DGKI: variants seen among roughly 807,000 people sequenced by gnomAD.
DGKI encodes the protein diacylglycerol kinase iota.
A neutral mutation model predicts 147.5 loss-of-function variants in DGKI; 55 were observed. The observed-to-expected ratio is 0.37, with a 90% confidence interval of 0.30 to 0.47. The LOEUF is 0.47. Among genes scored for constraint, DGKI ranks in the 20% least tolerant of loss-of-function variants. The pLI is 1.00. For synonymous variants in DGKI, 469 were observed against 477.1 expected (o/e 0.98, Z 0.22); for missense variants, 1,007 against 1,323.8 (o/e 0.76, Z 3.71).
rs57447468 is a variant in DGKI at position 137,744,399 on chromosome 7, A to T, written c.402-54397T>A. 8.8e-3 allele frequency among the ~76,000 whole-genome samples: 1,346 copies of T among 152,286 alleles called. 18 individuals are homozygous for T. Among genetic ancestry groups the T allele is most frequent in the African/African-American group, 0.031 (1,271 of 41,554 alleles). ...AAGAAACTGAATCAGTAATTAAAAA[A>T]ATATAGACATATACCATCCAAAAAA... On this transcript the variant is annotated intron_variant, in intron 1 of 32. Transcript: ENST00000614521.
At chr7:137,767,470 G>GGGAAGAGAAGA (rs1554474392) in intron 1 of DGKI, among the ~76,000 whole-genome samples, 1 of 141,114 alleles carries the variant, frequency 7.1e-6, no homozygotes. Context: ...GAGAAGAGAA[G>GGGAAGAGAAGA]GGAAGAGAAG....
At chr7:137,667,855 C>T (rs1200111200) in intron 3 of DGKI, among the ~76,000 whole-genome samples, 1 of 152,176 alleles carries the variant, frequency 6.6e-6, no homozygotes, top group Non-Finnish European at 1.5e-5. Flanking sequence ...CTGACACATA[C>T]ACACCCGCCC....
chr7:137,817,638 C>T (rs1797777664), intron 1 of DGKI, among the ~76,000 whole-genome samples: 1 of 152,174 alleles, frequency 6.6e-6, no homozygotes. Context: ...ATTAATAAAG[C>T]CCTTGCAGAC....
At chr7:137,722,889 TAAA>T (rs59407060) in intron 1 of DGKI, 35 of 596,668 alleles carry the variant, frequency 5.9e-5, no homozygotes, top group Admixed American at 2.5e-4. Flanking sequence ...TTGACTACGT[TAAA>T]AAAAAAAAAA....
chr7:137,460,103 C>A (rs1213557809), intron 27 of DGKI, among the ~76,000 whole-genome samples: 5 of 152,096 alleles, frequency 3.3e-5, no homozygotes, highest in Non-Finnish European at 7.4e-5. Flanking sequence ...CTAAATTGAA[C>A]CTTTCCTATC....
chr7:137,775,028 GTT>G (rs994622594), intron 1 of DGKI: 1 of 148,500 alleles, frequency 6.7e-6, no homozygotes, highest in African/African-American at 2.5e-5. Context: ...TCCTCACACG[GTT>G]TTTTTTTTCT....
rs562694572 is a variant in DGKI, at chr7:137,617,057, A to T, written c.993+2767T>A. On this transcript the variant is annotated intron_variant, in intron 8 of 32. Coordinates refer to ENST00000614521, the MANE Select transcript of DGKI (RefSeq NM_001321708.2). ...GAACCCACTGATTGATCTTAGCATCACTGAGAGTGAAATGGCTGATATCCT... is the reference window on the plus strand; with the variant it reads ...GAACCCACTGATTGATCTTAGCATCTCTGAGAGTGAAATGGCTGATATCCT... Among the ~76,000 whole-genome samples the T allele has an allele frequency of 3.4e-4, 50 of 147,792 alleles. 1 individual carries two copies. The South Asian group carries it at 0.01, about 31-fold the overall frequency.
chr7:137,459,512 T>C (rs1814340479), intron 27 of DGKI, among the ~76,000 whole-genome samples: 1 of 147,588 alleles, frequency 6.8e-6, no homozygotes, highest in Non-Finnish European at 1.5e-5. Flanking sequence ...AGTCTCGCTG[T>C]TGCCCAGGCT....
At position 137,469,414 on chromosome 7, in the gene DGKI, C is replaced by A. The variant is rs1268012055; in HGVS notation, c.2443+136G>T. The A allele has an allele frequency of 1.4e-5, 11 of 788,664 alleles. No homozygotes were observed. In the Admixed American group the frequency reaches 2.5e-4, roughly 18 times the overall value. The allele number at this position is 788,664 out of a possible 1,614,324, so 48.9% of individuals were successfully genotyped here. A position where few individuals can be genotyped will look rare whatever the true frequency, so the allele number is the denominator to read the frequency against. ...CAGCAGGCCCACATTGTTCCGCATG[C>A]CAATACCAGCCATGTGGAGTCACAT... On this transcript the variant is annotated intron_variant, in intron 24 of 32. Transcript: ENST00000614521.
intron 3 of DGKI, among the ~76,000 whole-genome samples, chr7:137,657,371 G>A (rs752312367): frequency 6.6e-6 from 1 of 152,000 alleles, no homozygotes; most frequent in South Asian, 2.1e-4. Context: ...TACACAATTC[G>A]GCCTCTCTGA....
intron 19 of DGKI, among the ~76,000 whole-genome samples, chr7:137,566,319 A>T (rs1452673576): frequency 6.6e-6 from 1 of 152,158 alleles, no homozygotes; most frequent in Non-Finnish European, 1.5e-5. Flanking sequence ...TAGTAGTTCA[A>T]GAAATGTGAA....
intron 1 of DGKI, among the ~76,000 whole-genome samples, chr7:137,764,372 C>A (rs1795945735): frequency 6.6e-6 from 1 of 152,104 alleles, no homozygotes; most frequent in South Asian, 2.1e-4. Flanking sequence ...CTCTTTTTGC[C>A]AAATATACAC....
At chr7:137,784,483 A>G (rs997049141) in intron 1 of DGKI, among the ~76,000 whole-genome samples, 1 of 152,138 alleles carries the variant, frequency 6.6e-6, no homozygotes, top group Non-Finnish European at 1.5e-5. Context: ...AACAATTACT[A>G]CTAGACCTAA....
rs191640344 is a variant in DGKI at position 137,574,534 on chromosome 7, T to G, written c.1762-1696A>C. 2.0e-3 allele frequency among the ~76,000 whole-genome samples: 310 copies of G among 152,348 alleles called. 2 individuals are homozygous for G. Among genetic ancestry groups the G allele is most frequent in the Admixed American group, 5.1e-3 (78 of 15,300 alleles). On this transcript the variant is annotated intron_variant, in intron 17 of 32. Transcript: ENST00000614521. ...TAGAACAGAATTCATTTTTTAACTT[T>G]CTACTTTTTCCTTCTGGGAAACATG...
chr7:137,643,013 C>G (rs574731837), intron 6 of DGKI, among the ~76,000 whole-genome samples: 2 of 145,802 alleles, frequency 1.4e-5, no homozygotes, highest in African/African-American at 5.1e-5. Flanking sequence ...GAATATGGGC[C>G]GGGCGCGGTG....
chr7:137,427,931 T>C (rs919872400), intron 28 of DGKI, among the ~76,000 whole-genome samples: 4 of 149,610 alleles, frequency 2.7e-5, no homozygotes, highest in African/African-American at 9.9e-5. Context: ...CCAAAAAGAG[T>C]CCACGACCAG....
intron 24 of DGKI, among the ~76,000 whole-genome samples, chr7:137,468,941 GA>G (rs1200108993): frequency 6.6e-6 from 1 of 152,178 alleles, no homozygotes; most frequent in African/African-American, 2.4e-5. Context: ...ACAGAGGTGA[GA>G]AGGTACTGCA....
intron 20 of DGKI, among the ~76,000 whole-genome samples, chr7:137,539,350 A>C (rs545905571): frequency 6.6e-5 from 10 of 152,200 alleles, no homozygotes; most frequent in Non-Finnish European, 1.2e-4. Flanking sequence ...GAGACCAGAA[A>C]GTACCAGGGA....
At chr7:137,451,062 T>C (rs1164514213) in intron 27 of DGKI, among the ~76,000 whole-genome samples, 2 of 152,174 alleles carry the variant, frequency 1.3e-5, no homozygotes, top group Non-Finnish European at 2.9e-5. Flanking sequence ...ACAGTCATAT[T>C]ATGTATCCAA....
Sources: allele counts gnomAD v4.1 joint callset (sites outside exome capture counted in the v4.1 genomes callset), GRCh38; gene constraint gnomAD v4.1.1; transcripts MANE v1.5; gene names NCBI Gene and HGNC (gene_info 2026-07-23, HGNC 2026-07-21).